The following SPATA1 variants were observed in gnomAD, a reference collection of about 807,000 sequenced individuals.
The protein encoded by SPATA1 is spermatogenesis associated 1, also known as spermatogenesis-associated protein 1.
A neutral mutation model predicts 59.6 loss-of-function variants in SPATA1; 57 were observed. The ratio of observed to expected loss-of-function variants is 0.96; its 90% CI spans 0.77 to 1.19. The LOEUF (loss-of-function observed/expected upper bound fraction) is 1.19. Ranked by LOEUF, SPATA1 falls within the 50% of genes most tolerant of loss-of-function variation. SPATA1 has a pLI of 0.00. For missense variants in SPATA1, 448 were observed against 480.7 expected (o/e 0.93, Z 0.64); for synonymous variants, 147 against 163.9 (o/e 0.90, Z 0.79).
At chr1:84,567,012 G>A (rs1259730788), downstream of SPATA1, among the ~76,000 whole-genome samples, 1 of 152,098 alleles carries the variant, frequency 6.6e-6, no homozygotes, top group East Asian at 1.9e-4. Context: ...ATATTAATTA[G>A]CCTTATTTTA....
intron 10 of SPATA1, among the ~76,000 whole-genome samples, chr1:84,545,960 G>T (rs78252678): frequency 0.038 from 5,806 of 152,134 alleles, 389 homozygotes; most frequent in African/African-American, 0.13. Flanking sequence ...TTTACATAGG[G>T]TTTAAAATTA....
At chr1:84,545,222 A>AATAT (rs1444782723) in intron 9 of SPATA1, among the ~76,000 whole-genome samples, 1 of 148,554 alleles carries the variant, frequency 6.7e-6, no homozygotes, top group Non-Finnish European at 1.5e-5. Context: ...ATCTCAAAAA[A>AATAT]ATATATATAT....
At chr1:84,525,157 G>A (rs1683165362) in intron 4 of SPATA1, among the ~76,000 whole-genome samples, 1 of 152,096 alleles carries the variant, frequency 6.6e-6, no homozygotes, top group Admixed American at 6.5e-5. Flanking sequence ...AGTAGAGATG[G>A]GGTTTCACCA....
chr1:84,562,393 C>T (rs1266823889), intron 4 of SPATA1, among the ~76,000 whole-genome samples: 3 of 152,130 alleles, frequency 2.0e-5, no homozygotes, highest in Admixed American at 2.0e-4. Flanking sequence ...TACACTAAAG[C>T]TCTCTGTGGA....
At chr1:84,516,199 C>T in intron 1 of SPATA1, 24 bp from the exon 2 acceptor site, 38 of 545,716 alleles carry the variant, frequency 7.0e-5, no homozygotes, top group South Asian at 1.4e-4. Context: ...TTGTGTTTTC[C>T]TTTTTATTTC....
chr1:84,564,932 A>AG, intron 4 of SPATA1, among the ~76,000 whole-genome samples: 1 of 151,956 alleles, frequency 6.6e-6, no homozygotes, highest in Non-Finnish European at 1.5e-5. Context: ...CCAGCTACTC[A>AG]GGGGGCTGAG....
At chr1:84,550,299 T>C (rs1019439054) in intron 11 of SPATA1, 133 bp from the exon 12 acceptor site, 4 of 436,726 alleles carry the variant, frequency 9.2e-6, no homozygotes, top group Non-Finnish European at 1.6e-5. Flanking sequence ...GCAATTTAGT[T>C]TACTTTACGG....
chr1:84,541,115 TGAGTA>T (rs1443449061), intron 8 of SPATA1, among the ~76,000 whole-genome samples: 1 of 152,238 alleles, frequency 6.6e-6, no homozygotes, highest in Non-Finnish European at 1.5e-5. Context: ...TAAACTGACT[TGAGTA>T]TTTTTGCCTG....
chr1:84,556,003 T>C (rs984048416), downstream of SPATA1: 3 of 152,242 alleles, frequency 2.0e-5, no homozygotes, highest in African/African-American at 7.2e-5. Context: ...AGGAGAAAAG[T>C]ACATCCTTTT....
intron 6 of SPATA1, among the ~76,000 whole-genome samples, chr1:84,529,203 A>T (rs954810928): frequency 6.6e-6 from 1 of 152,084 alleles, no homozygotes; most frequent in Non-Finnish European, 1.5e-5. Context: ...TCACCACACA[A>T]ACAAATATAA....
chr1:84,566,260 T>C (rs3768248), downstream of SPATA1: 1,583 of 191,038 alleles, frequency 8.3e-3, 65 homozygotes, highest in East Asian at 0.12. Context: ...ATATAGAAGA[T>C]GGCCTTCAAA....
chr1:84,536,895 T>C (rs1683715282), intron 8 of SPATA1, among the ~76,000 whole-genome samples: 1 of 149,386 alleles, frequency 6.7e-6, no homozygotes, highest in Admixed American at 6.7e-5. Context: ...TTTTTTTTTT[T>C]TTGAGATGAA....
downstream of SPATA1, chr1:84,555,118 G>T: frequency 6.2e-7 from 1 of 1,613,820 alleles, no homozygotes; most frequent in Non-Finnish European, 8.5e-7. Flanking sequence ...CCCCGTAAGC[G>T]ATAGTTTTGT....
chr1:84,541,904 C>T (rs1683918676), intron 8 of SPATA1, among the ~76,000 whole-genome samples: 1 of 152,156 alleles, frequency 6.6e-6, no homozygotes, highest in Non-Finnish European at 1.5e-5. Flanking sequence ...GCACCCTCTT[C>T]TGCTGCTGTA....
chr1:84,508,174 C>G (rs895930230), intron 1 of SPATA1, among the ~76,000 whole-genome samples: 2 of 151,884 alleles, frequency 1.3e-5, no homozygotes, highest in Non-Finnish European at 2.9e-5. Flanking sequence ...TCCCAGCTGC[C>G]CAGGAGGCTT....
chr1:84,521,566 C>CT (rs1683028879), intron 3 of SPATA1, among the ~76,000 whole-genome samples: 1 of 152,070 alleles, frequency 6.6e-6, no homozygotes, highest in Admixed American at 6.5e-5. Context: ...CACATATTAC[C>CT]TTTTTCTGTG....
chr1:84,531,501 T>G (rs1184869046), intron 6 of SPATA1, among the ~76,000 whole-genome samples: 1 of 150,096 alleles, frequency 6.7e-6, no homozygotes, highest in East Asian at 1.9e-4. Context: ...CAATACCAGG[T>G]GGGAAATAAA....
At chr1:84,534,923 C>G (rs1252697295) in intron 8 of SPATA1, among the ~76,000 whole-genome samples, 1 of 152,130 alleles carries the variant, frequency 6.6e-6, no homozygotes, top group East Asian at 1.9e-4. Context: ...TTCTTCTAGA[C>G]AACTCTGTCA....
intron 8 of SPATA1, among the ~76,000 whole-genome samples, chr1:84,540,043 T>A (rs945223712): frequency 6.6e-6 from 1 of 152,240 alleles, no homozygotes; most frequent in South Asian, 2.1e-4. Flanking sequence ...GCTTTCTTTT[T>A]GTTTGCATTT....
Sources: allele counts gnomAD v4.1 joint callset (sites outside exome capture counted in the v4.1 genomes callset), GRCh38; gene constraint gnomAD v4.1.1; transcripts MANE v1.5; gene names NCBI Gene and HGNC (gene_info 2026-07-23, HGNC 2026-07-21).